GPHN: variants seen among roughly 807,000 people sequenced by gnomAD.
GPHN encodes gephyrin.
GPHN carries 17 observed loss-of-function variants against 95.5 expected under a neutral mutation model. That is an observed-to-expected ratio of 0.18 (90% CI 0.12 to 0.27). GPHN has a LOEUF of 0.27. Among genes scored for constraint, GPHN ranks in the 10% least tolerant of loss-of-function variants. GPHN has a pLI of 1.00. For missense variants in GPHN, 660 were observed against 978.1 expected, an observed-to-expected ratio of 0.67 and a Z score of 4.34; for synonymous variants, 320 against 322.5, an observed-to-expected ratio of 0.99 and a Z score of 0.08.
chr14:67,553,686 C>T, the GPHN span, among the ~76,000 whole-genome samples: 3 of 152,220 alleles, frequency 2.0e-5, no homozygotes, highest in African/African-American at 7.2e-5. Context: ...TCCTTTTGCA[C>T]TGGGCAACCA....
At chr14:67,064,969 T>C (rs1388920717) in intron 11 of GPHN, among the ~76,000 whole-genome samples, 1 of 152,214 alleles carries the variant, frequency 6.6e-6, no homozygotes, top group Admixed American at 6.5e-5. Context: ...TCTTGCCTTC[T>C]GCTAGCTTTT....
At chr14:67,694,516 AT>A in the GPHN span, among the ~76,000 whole-genome samples, 38,233 of 138,260 alleles carry the variant, frequency 0.28, 5,249 homozygotes, top group Non-Finnish European at 0.31. Context: ...ACACACATAT[AT>A]TTTTTTTTTT....
chr14:66,546,784 G>A (rs537839940), intron 1 of GPHN, among the ~76,000 whole-genome samples: 6 of 149,130 alleles, frequency 4.0e-5, no homozygotes, highest in South Asian at 2.2e-4. Context: ...GAGGGAGACC[G>A]TGGGGAGAGG....
intron 1 of GPHN, among the ~76,000 whole-genome samples, chr14:66,561,142 G>A (rs1321411707): frequency 1.3e-5 from 2 of 152,120 alleles, no homozygotes; most frequent in African/African-American, 4.8e-5. Flanking sequence ...GATTCGGTTT[G>A]CCAGTATTTT....
chr14:67,709,089 C>A, the GPHN span, among the ~76,000 whole-genome samples: 1 of 151,968 alleles, frequency 6.6e-6, no homozygotes, highest in Non-Finnish European at 1.5e-5. Flanking sequence ...CTGTGCCAGG[C>A]CCAACAATAT....
At chr14:66,630,525 G>T (rs1009825197) in intron 1 of GPHN, among the ~76,000 whole-genome samples, 46 of 152,192 alleles carry the variant, frequency 3.0e-4, no homozygotes, top group African/African-American at 1.2e-4. Flanking sequence ...AGGCTGTGGT[G>T]CAGTGGCGCG....
chr14:66,796,110 T>G (rs1269455588), intron 3 of GPHN, among the ~76,000 whole-genome samples: 1 of 152,180 alleles, frequency 6.6e-6, no homozygotes, highest in Non-Finnish European at 1.5e-5. Context: ...CTCGCTTATT[T>G]CACTTAACAT....
chr14:67,664,369 T>C, the GPHN span, among the ~76,000 whole-genome samples: 6 of 152,226 alleles, frequency 3.9e-5, no homozygotes, highest in Non-Finnish European at 7.3e-5. Flanking sequence ...GTTTAGCTTA[T>C]TTCACTTAGC....
intron 4 of GPHN, among the ~76,000 whole-genome samples, chr14:66,836,303 T>A (rs1443802614): frequency 7.3e-6 from 1 of 137,588 alleles, no homozygotes; most frequent in Non-Finnish European, 1.5e-5. Flanking sequence ...TCTACAACTA[T>A]CTGATCTTTG....
chr14:66,600,129 T>C (rs918543588), intron 1 of GPHN, among the ~76,000 whole-genome samples: 4 of 152,090 alleles, frequency 2.6e-5, no homozygotes, highest in African/African-American at 4.8e-5. Context: ...TTTGCATCAT[T>C]ATTCTTCAGT....
At chr14:67,294,958 C>T in the GPHN span, 1 of 152,166 alleles carries the variant, frequency 6.6e-6, no homozygotes, top group Non-Finnish European at 1.5e-5. Context: ...AGGCGTGAGC[C>T]ACTGCGCCTG....
the GPHN span, among the ~76,000 whole-genome samples, chr14:67,356,215 T>C: frequency 6.6e-6 from 1 of 151,772 alleles, no homozygotes; most frequent in Non-Finnish European, 1.5e-5. Context: ...AGGTCAGGAG[T>C]TCGAGACCAC....
chr14:66,523,710 A>G (rs1048783291), intron 1 of GPHN, among the ~76,000 whole-genome samples: 1 of 152,030 alleles, frequency 6.6e-6, no homozygotes, highest in Non-Finnish European at 1.5e-5. Flanking sequence ...AATGAAGTAA[A>G]CCTTTAATGA....
intron 2 of GPHN, among the ~76,000 whole-genome samples, chr14:66,718,868 G>A (rs1257849169): frequency 6.6e-6 from 1 of 152,160 alleles, no homozygotes; most frequent in Admixed American, 6.5e-5. Context: ...CTCTCCTTGG[G>A]CAGGTCTTGC....
At chr14:67,354,735 A>C in the GPHN span, among the ~76,000 whole-genome samples, 2 of 152,246 alleles carry the variant, frequency 1.3e-5, no homozygotes, top group Non-Finnish European at 2.9e-5. Flanking sequence ...AAAAACTGGC[A>C]AGAGTTACCT....
At chr14:67,191,748 C>T in the GPHN span, among the ~76,000 whole-genome samples, 20 of 152,334 alleles carry the variant, frequency 1.3e-4, no homozygotes, top group Admixed American at 9.8e-4. Context: ...GCTGAAGTGG[C>T]TCCCTCTTGA....
At chr14:66,880,963 T>C (rs2063900976) in intron 5 of GPHN, among the ~76,000 whole-genome samples, 1 of 151,982 alleles carries the variant, frequency 6.6e-6, no homozygotes, top group Non-Finnish European at 1.5e-5. Flanking sequence ...AACCTAAAAA[T>C]AAATAGCAGC....
At chr14:67,292,429 T>C in the GPHN span, 1 of 947,340 alleles carries the variant, frequency 1.1e-6, no homozygotes, top group Non-Finnish European at 1.6e-6. Context: ...TTGTTACTGG[T>C]TCAAAGAAAT....
intron 2 of GPHN, among the ~76,000 whole-genome samples, chr14:66,730,893 CCATGTGTCAAGGGAAGGACCTGTAATCTT>C (rs2071705689): frequency 6.6e-6 from 1 of 152,128 alleles, no homozygotes; most frequent in Non-Finnish European, 1.5e-5. Context: ...ATTGTAATCC[CCATGTGTCAAGGGAAGGACCTGTAATCTT>C]CATGTGTCAA....
Sources: gnomAD v4.1 joint callset for allele counts (sites outside exome capture counted in the v4.1 genomes callset) on GRCh38, gnomAD v4.1.1 for gene constraint, MANE v1.5 for transcripts, NCBI Gene and HGNC (gene_info 2026-07-23, HGNC 2026-07-21) for gene names.